NR1H4: variants seen among roughly 807,000 people sequenced by gnomAD.
The protein encoded by NR1H4 is bile acid receptor.
In NR1H4, 23 loss-of-function variants were observed where a neutral mutation model predicts 58.5. That is an observed-to-expected ratio of 0.39 (90% confidence interval 0.28 to 0.56). NR1H4 has a LOEUF of 0.56. Among genes scored for constraint, NR1H4 ranks in the 20% least tolerant of loss-of-function variants. The pLI is 0.58. For missense variants in NR1H4, 487 were observed against 576.9 expected (o/e 0.84, Z 1.60); for synonymous variants, 214 against 198.0 (o/e 1.08, Z -0.68).
intron 3 of NR1H4, among the ~76,000 whole-genome samples, chr12:100,494,442 G>T (rs1593049014): frequency 6.6e-6 from 1 of 152,124 alleles, no homozygotes; most frequent in East Asian, 1.9e-4. Flanking sequence ...TATTTAGTAG[G>T]CACTTGATAA....
rs1335264460 is a variant in NR1H4, at chr12:100,493,403, G to T, written c.79+1G>T. On this transcript the variant is annotated splice_donor_variant, in intron 3 of 10. Coordinates refer to ENST00000392986, the MANE Select transcript of NR1H4 (RefSeq NM_001206979.2). LOFTEE classifies it high-confidence loss of function. Reference sequence around the variant, plus strand: ...TTTTCTTTTTCTGAAAATTTATTTGGTAAGTTGTCAAGTTCATTTGAATAT... The same window carrying T: ...TTTTCTTTTTCTGAAAATTTATTTGTTAAGTTGTCAAGTTCATTTGAATAT... The T allele has an allele frequency of 4.9e-6, 7 of 1,434,808 alleles. No homozygotes were observed. Among genetic ancestry groups the T allele is most frequent in the Non-Finnish European group, 6.8e-6 (7 of 1,027,968 alleles). The allele number at this position is 1,434,808 out of a possible 1,614,324, so 88.9% of individuals were successfully genotyped here. A position where few individuals can be genotyped will look rare whatever the true frequency, so the allele number is the denominator to read the frequency against.
intron 3 of NR1H4, among the ~76,000 whole-genome samples, chr12:100,495,677 C>A (rs1047557140): frequency 6.6e-6 from 1 of 151,682 alleles, no homozygotes; most frequent in East Asian, 1.9e-4. Flanking sequence ...TGCAGTGAGT[C>A]GAGATCGCGC....
intron 3 of NR1H4, among the ~76,000 whole-genome samples, chr12:100,509,131 T>A (rs1954041985): frequency 6.6e-6 from 1 of 152,168 alleles, no homozygotes; most frequent in Non-Finnish European, 1.5e-5. Context: ...GATATCGATA[T>A]TATCATCCCA....
chr12:100,511,159 T>C lies in NR1H4; in HGVS notation c.445+16T>C. The C allele has an allele frequency of 1.2e-6, 2 of 1,614,196 alleles. No individual in the cohort carries two copies. Among genetic ancestry groups the C allele is most frequent in the Non-Finnish European group, 1.7e-6 (2 of 1,180,014 alleles). On this transcript the variant is annotated intron_variant, in intron 4 of 10. Coordinates refer to ENST00000392986, the MANE Select transcript of NR1H4 (RefSeq NM_001206979.2). ...GGGTGTAAAGGTAAGCATCTTTGAT[T>C]GGCAGTTTTCTCCTTCAGGTTTTAC...
intron 8 of NR1H4, 147 bp from the exon 9 acceptor site, chr12:100,540,525 A>T: frequency 2.5e-6 from 2 of 797,072 alleles, no homozygotes; most frequent in East Asian, 2.6e-5. Flanking sequence ...CCTCTATTTT[A>T]TTGGCGAGTA....
chr12:100,513,801 A>AAAGGAAGGAAGGAAGGAAGG (rs199813041), intron 4 of NR1H4, among the ~76,000 whole-genome samples: 20 of 115,990 alleles, frequency 1.7e-4, no homozygotes, highest in Middle Eastern at 4.2e-3. Flanking sequence ...TCAAAGACAG[A>AAAGGAAGGAAGGAAGGAAGG]AAGGAAGGAA....
chr12:100,516,666 G>T (rs564514882), intron 4 of NR1H4, among the ~76,000 whole-genome samples: 1 of 152,152 alleles, frequency 6.6e-6, no homozygotes, highest in African/African-American at 2.4e-5. Flanking sequence ...GTGCCCGGCC[G>T]ATGACATGCT....
intron 1 of NR1H4, among the ~76,000 whole-genome samples, chr12:100,479,843 C>T (rs1269214196): frequency 3.3e-5 from 5 of 152,212 alleles, no homozygotes; most frequent in Admixed American, 6.5e-5. Flanking sequence ...TTTGCTTTTG[C>T]TGATCACTCT....
At chr12:100,534,123 C>T (rs1191573494) in intron 5 of NR1H4, among the ~76,000 whole-genome samples, 2 of 151,084 alleles carry the variant, frequency 1.3e-5, no homozygotes, top group African/African-American at 4.9e-5. Context: ...GTCTCGATCT[C>T]CTGACCTCAT....
chr12:100,562,987 C>T (rs1222132707), intron 10 of NR1H4, among the ~76,000 whole-genome samples: 5 of 152,178 alleles, frequency 3.3e-5, no homozygotes, highest in African/African-American at 1.2e-4. Context: ...AAAGGATGCT[C>T]ACGTCCACCC....
At position 100,510,819 on chromosome 12, in the gene NR1H4, C is replaced by T; in HGVS notation, c.121C>T (p.Leu41=). 3.7e-6 allele frequency: 6 copies of T among 1,614,046 alleles called. No individual in the cohort carries two copies. The highest frequency in any genetic ancestry group is 5.1e-6 in the Non-Finnish European group (6 of 1,180,004). The part of the protein sequence containing the change: ...EQVAGPLGQN[L]EVEPYSQYSN... ...AGTGGCAGGTCCTCTGGGACAGAACCTGGAAGTGGAACCATACTCGCAATA... is the reference window on the plus strand; with the variant it reads ...AGTGGCAGGTCCTCTGGGACAGAACTTGGAAGTGGAACCATACTCGCAATA... The change falls in exon 4 of 11, where the codon CTG becomes TTG. Residue 41 remains leucine (L), a synonymous_variant. Coordinates refer to ENST00000392986, the MANE Select transcript of NR1H4 (RefSeq NM_001206979.2).
At chr12:100,484,711 T>A (rs1953453758) in intron 1 of NR1H4, among the ~76,000 whole-genome samples, 1 of 152,120 alleles carries the variant, frequency 6.6e-6, no homozygotes, top group Non-Finnish European at 1.5e-5. Flanking sequence ...CACAACAACT[T>A]CCTGAATGTT....
At chr12:100,547,123 A>G (rs1422812201) in intron 9 of NR1H4, among the ~76,000 whole-genome samples, 4 of 152,124 alleles carry the variant, frequency 2.6e-5, no homozygotes, top group African/African-American at 9.7e-5. Flanking sequence ...CTTCCCACTC[A>G]TTCTCAACTA....
In NR1H4 at chr12:100,561,910, T is replaced by A; in HGVS notation, c.1104T>A (p.Pro368=). The change falls in exon 10 of 11, where the codon CCT becomes CCA. Residue 368 remains proline, a synonymous_variant. Coordinates refer to ENST00000392986, the MANE Select transcript of NR1H4 (RefSeq NM_001206979.2). ...GTATCTCTGATGAATATATAACACC[T>A]ATGTTTAGTTTTTATAAAAGTATTG... The part of the protein sequence containing the change: ...NSGISDEYIT[P]MFSFYKSIGE... 9 of 1,483,452 alleles carry A rather than the reference T, an allele frequency of 6.1e-6. No homozygotes were observed. Among genetic ancestry groups the A allele is most frequent in the Non-Finnish European group, 8.5e-6 (9 of 1,061,358 alleles). 91.9% of individuals were successfully genotyped at this position (1,483,452 alleles called of 1,614,324 possible).
intron 9 of NR1H4, among the ~76,000 whole-genome samples, chr12:100,556,078 G>A (rs1251155205): frequency 1.3e-5 from 2 of 152,092 alleles, no homozygotes; most frequent in African/African-American, 2.4e-5. Context: ...AGAGGAAAAC[G>A]GCAAGGATTT....
chr12:100,511,279 C>G, intron 4 of NR1H4, 136 bp downstream of exon 4: 1 of 1,015,638 alleles, frequency 9.8e-7, no homozygotes, highest in Non-Finnish European at 1.5e-6. Flanking sequence ...CTCCTACATC[C>G]TCACCTTTGT....
Position 100,528,372 on chromosome 12 carries a change from GA to G in NR1H4, c.446-4074del, listed in dbSNP as rs200069335. Among the ~76,000 whole-genome samples, 148 of 136,794 alleles carry G rather than the reference GA, an allele frequency of 1.1e-3. 1 individual carries two copies. The highest frequency in any genetic ancestry group is 2.1e-3 in the African/African-American group (78 of 37,770). The allele number at this position is 136,794 out of a possible 152,430, so 89.7% of individuals were successfully genotyped here. A position where few individuals can be genotyped will look rare whatever the true frequency, so the allele number is the denominator to read the frequency against. On this transcript the variant is annotated intron_variant, in intron 4 of 10. Transcript: ENST00000392986. ...ACAGAGTGAGGCTCCATCTGGGAAA[GA>G]AAAAAAAAAAAGAGGCAGAAAAGCA...
chr12:100,540,468 C>T (rs576747268), intron 8 of NR1H4, among the ~76,000 whole-genome samples: 20 of 152,266 alleles, frequency 1.3e-4, no homozygotes, highest in African/African-American at 4.6e-4. Context: ...CTTGACATCT[C>T]CCTTTGCCCA....
chr12:100,550,029 T>C (rs1401894229), intron 9 of NR1H4, among the ~76,000 whole-genome samples: 1 of 152,222 alleles, frequency 6.6e-6, no homozygotes, highest in Non-Finnish European at 1.5e-5. Flanking sequence ...AAGAATATGA[T>C]GTGAAATCTC....
Sources: gnomAD v4.1 joint callset for allele counts (sites outside exome capture counted in the v4.1 genomes callset) on GRCh38, gnomAD v4.1.1 for gene constraint, MANE v1.5 for transcripts, NCBI Gene and HGNC (gene_info 2026-07-23, HGNC 2026-07-21) for gene names.